PER1: variants seen among roughly 807,000 people sequenced by gnomAD.
The protein encoded by PER1 is period circadian regulator 1.
Under a neutral mutation model 125.9 loss-of-function variants are expected in PER1, and 87 were observed. That is an observed-to-expected ratio of 0.69 (90% CI 0.58 to 0.83). The LOEUF (loss-of-function observed/expected upper bound fraction) is 0.83, where lower values mean the gene tolerates loss of function less well. Ranked by LOEUF, PER1 falls within the 40% of genes least tolerant of loss-of-function variation. The pLI, the probability that PER1 is intolerant of heterozygous loss-of-function variation, is 0.00. For synonymous variants in PER1, 801 were observed against 714.7 expected (o/e 1.12, Z -1.93); for missense variants, 1,775 against 1,722.8 (o/e 1.03, Z -0.54).
intron 18 of PER1, 102 bp from the exon 19 acceptor site, chr17:8,143,978 G>A (rs142861792): frequency 9.4e-5 from 139 of 1,473,024 alleles, no homozygotes; most frequent in Admixed American, 1.4e-4. Context: ...ACAGGCCAAG[G>A]TCCCAGAGAG....
intron 15 of PER1, 28 bp from the exon 16 acceptor site, chr17:8,146,530 A>C: frequency 6.2e-7 from 1 of 1,606,544 alleles, no homozygotes; most frequent in Non-Finnish European, 8.5e-7. Flanking sequence ...ACAGGGCATC[A>C]GAGCAGGGCT....
chr17:8,141,996 G>A (rs758561692), intron 21 of PER1, 41 bp from the exon 22 acceptor site: 1 of 1,610,796 alleles, frequency 6.2e-7, no homozygotes, highest in African/African-American at 1.3e-5. Flanking sequence ...CTGGGATCCA[G>A]GACCCGGACC....
chr17:8,141,044 C>G lies in PER1; in HGVS notation c.*24G>C. On this transcript the variant is annotated 3_prime_UTR_variant, in exon 23 of 23. Coordinates refer to ENST00000317276, the MANE Select transcript of PER1 (RefSeq NM_002616.3). ...GGAGAAGAAAGCCTCTCATGGACTC[C>G]TGGAGATGGTCCCAGAATGGAGTCT... 6.3e-7 allele frequency: 1 copy of G among 1,596,584 alleles called. No homozygotes were observed. The highest frequency in any genetic ancestry group is 8.6e-7 in the Non-Finnish European group (1 of 1,169,212).
Position 8,140,998 on chromosome 17 carries a change from A to G in PER1, c.*70T>C. ...CCACTGGTTGGTCTAGCCACATCTG[A>G]GTTCTGAGAATTGGGACATAGGAGA... On this transcript the variant is annotated 3_prime_UTR_variant, in exon 23 of 23. Transcript: ENST00000317276. 6.6e-7 allele frequency: 1 copy of G among 1,516,924 alleles called. No homozygotes were observed. The allele number at this position is 1,516,924 out of a possible 1,614,324, so 94.0% of individuals were successfully genotyped here. A position where few individuals can be genotyped will look rare whatever the true frequency, so the allele number is the denominator to read the frequency against.
chr17:8,143,852 G>A lies in PER1; in HGVS notation c.2486C>T (p.Pro829Leu). The A allele has an allele frequency of 1.9e-6, 3 of 1,611,062 alleles. No homozygotes were observed. The highest frequency in any genetic ancestry group is 1.3e-5 in the African/African-American group (1 of 74,918). ...ERGCHHGPAP[P>L]SRRHHCRSKA... Reference sequence around the variant, plus strand: ...GGATCGGCAGTGGTGTCGGCGGCTTGGGGGTGCGGGGCCGTGGTGGCAGCC... The same window carrying A: ...GGATCGGCAGTGGTGTCGGCGGCTTAGGGGTGCGGGGCCGTGGTGGCAGCC... The change falls in exon 19 of 23, where the codon CCA becomes CTA. Residue 829 changes from proline to leucine, a missense_variant. Physicochemically the swap from Pro to Leu is moderately conservative, Grantham distance 98 (BLOSUM62 -3). Transcript: ENST00000317276.
At chr17:8,145,875 A>G in intron 17 of PER1, 83 bp downstream of exon 17, 4 of 1,455,474 alleles carry the variant, frequency 2.7e-6, no homozygotes, top group Non-Finnish European at 3.7e-6. Context: ...ATCAGGCCCT[A>G]GAGGGGAGGG....
chr17:8,151,949 C>G (rs1228093535), intron 1 of PER1, among the ~76,000 whole-genome samples: 1 of 152,236 alleles, frequency 6.6e-6, no homozygotes, highest in Non-Finnish European at 1.5e-5. Flanking sequence ...GCTGACATCA[C>G]AGGCGGCGCA....
In PER1 at chr17:8,141,884, G is replaced by C. The variant is rs1278277424; in HGVS notation, c.3521C>G (p.Ser1174Cys). 5.0e-6 allele frequency: 8 copies of C among 1,614,182 alleles called. No individual in the cohort carries two copies. Among genetic ancestry groups the C allele is most frequent in the Non-Finnish European group, 6.8e-6 (8 of 1,180,044 alleles). ...RAMQKQQPRF[S>C]EDQRRELGAV... Reference sequence around the variant, plus strand: ...ACCCAGTTCCCGCCGCTGGTCCTCAGAAAACCGAGGCTGCTGCTTCTGCAT... The same window carrying C: ...ACCCAGTTCCCGCCGCTGGTCCTCACAAAACCGAGGCTGCTGCTTCTGCAT... Residue 1174 changes from serine (S) to cysteine (C), a missense_variant, in exon 22 of 23, where the codon TCT (serine) becomes TGT (cysteine). Physicochemically the swap from Ser to Cys is moderately radical, Grantham distance 112 (BLOSUM62 -1). Transcript: ENST00000317276.
chr17:8,150,635 G>A lies in PER1; in HGVS notation c.72C>T (p.Gly24=), dbSNP rs749879180. 6.8e-5 allele frequency: 110 copies of A among 1,610,714 alleles called. No individual in the cohort carries two copies. The highest frequency in any genetic ancestry group is 7.6e-5 in the Non-Finnish European group (89 of 1,178,758). ...GCTGTGGGGGCCCAGGGGATGGGAC[G>A]CCCCCAGGACAAAATGATTCCCCAG... ...PRPGESFCPG[G]VPSPGPPQHR... is the part of the protein sequence containing the mutation. Residue 24 remains glycine (G), a synonymous_variant, in exon 2 of 23, where the codon GGC becomes GGT. Transcript: ENST00000317276.
intron 12 of PER1, 37 bp from the exon 13 acceptor site, chr17:8,147,418 C>G: frequency 1.9e-6 from 3 of 1,613,000 alleles, no homozygotes. Context: ...TGGCTTGACC[C>G]GGCTTCCCAC....
intron 17 of PER1, among the ~76,000 whole-genome samples, chr17:8,145,567 T>C (rs1271329281): frequency 2.0e-5 from 3 of 152,064 alleles, no homozygotes; most frequent in Non-Finnish European, 4.4e-5. Context: ...CAGGTGATCC[T>C]CCTACCTCAG....
intron 18 of PER1, 23 bp from the exon 19 acceptor site, chr17:8,143,899 G>T: frequency 6.3e-7 from 1 of 1,590,172 alleles, no homozygotes; most frequent in South Asian, 1.1e-5. Context: ...ACTAGGGTTA[G>T]CAAGGACCTC....
At chr17:8,145,311 C>A (rs552987262) in intron 17 of PER1, 52 of 230,084 alleles carry the variant, frequency 2.3e-4, no homozygotes, top group Non-Finnish European at 2.7e-4. Context: ...TTCCCTCACA[C>A]ATTTTCTTGT....
In PER1 at chr17:8,142,369, G is replaced by A. The variant is rs149653091; in HGVS notation, c.3349C>T (p.Pro1117Ser). ...EAGAARGGAE[P>S]GDQVIKYVLQ... Reference sequence around the variant, plus strand: ...ACGTACTTAATCACCTGGTCCCCAGGCTCAGCCCCGCCCCGAGCAGCCCCA... The same window carrying A: ...ACGTACTTAATCACCTGGTCCCCAGACTCAGCCCCGCCCCGAGCAGCCCCA... The change falls in exon 21 of 23, where the codon CCT becomes TCT. Residue 1117 changes from proline (P) to serine (S), a missense_variant. By Grantham distance (74) the Pro-to-Ser change is moderately conservative (BLOSUM62 -1). Transcript: ENST00000317276. 1 of 1,613,678 alleles carries A rather than the reference G, an allele frequency of 6.2e-7. No homozygotes were observed. The highest frequency in any genetic ancestry group is 8.5e-7 in the Non-Finnish European group (1 of 1,179,890).
chr17:8,142,224 A>C, intron 21 of PER1, 45 bp downstream of exon 21: 4 of 1,480,460 alleles, frequency 2.7e-6, no homozygotes, highest in Non-Finnish European at 1.8e-6. Flanking sequence ...TGCCCCCACT[A>C]CTACCTCTGA....
At position 8,150,769 on chromosome 17, in the gene PER1, G is replaced by T. The variant is rs779261081; in HGVS notation, c.-63C>A. 10 of 1,447,084 alleles carry T rather than the reference G, an allele frequency of 6.9e-6. No individual in the cohort carries two copies. The South Asian group carries it at 1.4e-4, about 20-fold the overall frequency. 89.6% of individuals were successfully genotyped at this position (1,447,084 alleles called of 1,614,324 possible). On this transcript the variant is annotated 5_prime_UTR_variant, in exon 2 of 23. Coordinates refer to ENST00000317276, the MANE Select transcript of PER1 (RefSeq NM_002616.3). ...GAGGCCACCACGGATGCACGAGGGG[G>T]CCTGGAGGCTTGGCTGAGGGAGTGA...
intron 1 of PER1, among the ~76,000 whole-genome samples, chr17:8,151,183 G>A (rs1982839983): frequency 6.6e-6 from 1 of 152,244 alleles, no homozygotes; most frequent in Non-Finnish European, 1.5e-5. Context: ...CCTCGGAGCA[G>A]GAGGTGAGCT....
In PER1 at chr17:8,141,286, G is replaced by C; in HGVS notation, c.3655C>G (p.Leu1219Val). 6.2e-7 allele frequency: 1 copy of C among 1,614,024 alleles called. No individual in the cohort carries two copies. Among genetic ancestry groups the C allele is most frequent in the Non-Finnish European group, 8.5e-7 (1 of 1,179,994 alleles). Residue 1219 changes from leucine to valine, a missense_variant, in exon 23 of 23, where the codon CTC (leucine) becomes GTC (valine). Leu to Val is a conservative substitution (Grantham distance 32, BLOSUM62 1). Coordinates refer to ENST00000317276, the MANE Select transcript of PER1 (RefSeq NM_002616.3). ...TQDPGHPDDP[L>V]FSELDGLGLE... is the part of the protein sequence containing the mutation. ...CCCAGTCCATCCAGCTCTGAGAAGA[G>C]TGGGTCATCAGGGTGACCAGGATCT...
At chr17:8,149,091 A>T in intron 7 of PER1, 168 bp downstream of exon 7, 1 of 677,922 alleles carries the variant, frequency 1.5e-6, no homozygotes, top group Non-Finnish European at 2.6e-6. Flanking sequence ...TGGGAGGCTG[A>T]GGCAGGAGAA....
Sources: allele counts gnomAD v4.1 joint callset (sites outside exome capture counted in the v4.1 genomes callset), GRCh38; gene constraint gnomAD v4.1.1; transcripts MANE v1.5; gene names NCBI Gene and HGNC (gene_info 2026-07-23, HGNC 2026-07-21).